The following DYM variants were observed in gnomAD, a reference collection of about 807,000 sequenced individuals.
The protein encoded by DYM is dyggve-Melchior-Clausen syndrome protein.
A neutral mutation model predicts 93.1 loss-of-function variants in DYM; 78 were observed. The observed-to-expected ratio is 0.84, with a 90% CI of 0.70 to 1.01. The LOEUF (loss-of-function observed/expected upper bound fraction) is 1.01, where lower values mean the gene tolerates loss of function less well. Ranked by LOEUF, DYM falls within the 50% of genes least tolerant of loss-of-function variation. DYM has a pLI of 0.00. For missense variants in DYM, 789 were observed against 845.0 expected (o/e 0.93, Z 0.82); for synonymous variants, 321 against 319.7 (o/e 1.00, Z -0.04).
chr18:49,458,618 C>T (rs62102904), intron 1 of DYM, among the ~76,000 whole-genome samples: 276 of 152,220 alleles, frequency 1.8e-3, no homozygotes, highest in Non-Finnish European at 3.1e-3. Context: ...GGGTGAAATG[C>T]CTGAACTCAG....
rs189102404 is a variant in DYM, at chr18:49,319,201, A to G, written c.763+12663T>C. On this transcript the variant is annotated intron_variant, in intron 8 of 17. Transcript: ENST00000675505. ...GAAGACAACTGCTCTCTTAAAGCTA[A>G]TATCTGCTAGTCTACACTTTCTAAA... Among the ~76,000 whole-genome samples the G allele has an allele frequency of 5.8e-4, 88 of 152,360 alleles. 3 individuals are homozygous for G. The highest frequency in any genetic ancestry group is 2.0e-3 in the African/African-American group (82 of 41,586).
In DYM at chr18:49,317,754, C is replaced by T. The variant is rs1051143736; in HGVS notation, c.763+14110G>A. Among the ~76,000 whole-genome samples the T allele has an allele frequency of 4.0e-5, 6 of 150,700 alleles. No homozygotes were observed. In the Admixed American group the frequency reaches 4.0e-4, roughly 10 times the overall value. ...CCCAAGTAGCTGGGACTGTAGGTGC[C>T]TGCCACCATGCCCGGCTAAGCCATC... On this transcript the variant is annotated intron_variant, in intron 8 of 17. Transcript: ENST00000675505.
At chr18:49,381,321 A>G (rs1303962522) in intron 3 of DYM, among the ~76,000 whole-genome samples, 1 of 152,210 alleles carries the variant, frequency 6.6e-6, no homozygotes, top group Admixed American at 6.5e-5. Flanking sequence ...ATACATGGGA[A>G]TAAGTACAGC....
chr18:49,261,236 T>C (rs2145248328), intron 11 of DYM, among the ~76,000 whole-genome samples: 1 of 152,294 alleles, frequency 6.6e-6, no homozygotes, highest in East Asian at 1.9e-4. Context: ...TTTTCACTCG[T>C]TTAACTCTCT....
At chr18:49,051,811 C>A (rs1019410921) in intron 17 of DYM, among the ~76,000 whole-genome samples, 5 of 152,194 alleles carry the variant, frequency 3.3e-5, no homozygotes, top group African/African-American at 1.2e-4. Context: ...CCTCCACAGA[C>A]TGGGTTCCCA....
chr18:49,334,569 G>C (rs2063532894), intron 6 of DYM, among the ~76,000 whole-genome samples: 1 of 152,102 alleles, frequency 6.6e-6, no homozygotes, highest in Admixed American at 6.5e-5. Context: ...GTTTAAACAG[G>C]ATTATAATGG....
intron 1 of DYM, among the ~76,000 whole-genome samples, chr18:49,444,801 C>T (rs1348968266): frequency 1.3e-5 from 2 of 152,138 alleles, no homozygotes; most frequent in Admixed American, 6.5e-5. Context: ...CTGTAAATGT[C>T]GTCCAAGCAA....
intron 14 of DYM, among the ~76,000 whole-genome samples, chr18:49,181,148 G>A (rs1055384081): frequency 6.6e-6 from 1 of 152,124 alleles, no homozygotes; most frequent in African/African-American, 2.4e-5. Flanking sequence ...TCAAGGTCGT[G>A]TTGGAGTTAG....
chr18:49,393,813 G>A (rs2069698699), intron 2 of DYM: 1 of 151,856 alleles, frequency 6.6e-6, no homozygotes, highest in Admixed American at 6.6e-5. Flanking sequence ...AAATAAAATA[G>A]GGAATTTCAA....
chr18:49,321,659 A>G (rs1464168216), intron 8 of DYM, among the ~76,000 whole-genome samples: 1 of 152,188 alleles, frequency 6.6e-6, no homozygotes, highest in Non-Finnish European at 1.5e-5. Context: ...ACTATTCCAA[A>G]TCATCAATGT....
At chr18:49,177,023 C>A (rs760807161) in intron 14 of DYM, among the ~76,000 whole-genome samples, 7 of 151,998 alleles carry the variant, frequency 4.6e-5, no homozygotes, top group Non-Finnish European at 1.0e-4. Context: ...TTTTCGGTGA[C>A]CCTTTCTTAG....
intron 2 of DYM, among the ~76,000 whole-genome samples, chr18:49,403,529 T>C (rs891653933): frequency 3.6e-4 from 55 of 152,358 alleles, no homozygotes; most frequent in African/African-American, 1.3e-3. Flanking sequence ...TTCACACTGA[T>C]AAAGAAAATA....
chr18:49,286,737 A>T, intron 8 of DYM, 121 bp from the exon 9 acceptor site: 2 of 983,754 alleles, frequency 2.0e-6, no homozygotes, highest in Admixed American at 4.0e-5. Flanking sequence ...GTAGAACAAG[A>T]ATCATGTCTA....
intron 17 of DYM, among the ~76,000 whole-genome samples, chr18:49,065,024 A>G (rs1252397289): frequency 6.6e-6 from 1 of 152,024 alleles, no homozygotes; most frequent in Non-Finnish European, 1.5e-5. Flanking sequence ...AGCTACACTC[A>G]TTTCTGAAAG....
chr18:49,267,531 G>A (rs2094590310), intron 11 of DYM, among the ~76,000 whole-genome samples: 1 of 152,148 alleles, frequency 6.6e-6, no homozygotes, highest in South Asian at 2.1e-4. Flanking sequence ...TTAAAAGGGG[G>A]TATGGCTATT....
At chr18:49,329,421 A>G (rs12970178) in intron 8 of DYM, among the ~76,000 whole-genome samples, 1 of 152,208 alleles carries the variant, frequency 6.6e-6, no homozygotes, top group Non-Finnish European at 1.5e-5. Flanking sequence ...GTACCCTAGA[A>G]AAAGTATAAT....
At chr18:49,044,447 C>T (rs2071205571) in intron 17 of DYM, among the ~76,000 whole-genome samples, 1 of 152,228 alleles carries the variant, frequency 6.6e-6, no homozygotes. Flanking sequence ...GTCAGTTTGG[C>T]TGATAGTTCC....
At chr18:49,108,112 C>A (rs1233388011) in intron 16 of DYM, among the ~76,000 whole-genome samples, 2 of 152,226 alleles carry the variant, frequency 1.3e-5, no homozygotes, top group African/African-American at 4.8e-5. Context: ...ATGGCGGATG[C>A]CCCTCCCCCA....
rs372279335 is a variant in DYM at position 49,316,986 on chromosome 18, T to C, written c.763+14878A>G. Among the ~76,000 whole-genome samples the C allele has an allele frequency of 9.8e-5, 15 of 152,328 alleles. No individual in the cohort carries two copies. In the East Asian group the frequency reaches 1.9e-3, roughly 20 times the overall value. On this transcript the variant is annotated intron_variant, in intron 8 of 17. Coordinates refer to ENST00000675505, the MANE Select transcript of DYM (RefSeq NM_001353214.3). ...AAGGACATCTTGGTTGCTTCCAATT[T>C]GGGGAAATTATGCATTTGTCTAAAC... is the stretch of plus-strand genomic sequence containing the variant.
Sources: gnomAD v4.1 joint callset for allele counts (sites outside exome capture counted in the v4.1 genomes callset) on GRCh38, gnomAD v4.1.1 for gene constraint, MANE v1.5 for transcripts, NCBI Gene and HGNC (gene_info 2026-07-23, HGNC 2026-07-21) for gene names.